AGMO: variants seen among roughly 807,000 people sequenced by gnomAD.
AGMO encodes the protein glyceryl-ether monooxygenase.
In AGMO, 75 loss-of-function variants were observed where a neutral mutation model predicts 60.2. The ratio of observed to expected loss-of-function variants is 1.25; its 90% CI spans 1.03 to 1.51. AGMO has a LOEUF of 1.51. AGMO is among the 40% of genes most tolerant of loss of function. The pLI is 0.00. For missense variants in AGMO, 763 were observed against 525.5 expected, an observed-to-expected ratio of 1.45 and a Z score of -4.42; for synonymous variants, 261 against 177.1, an observed-to-expected ratio of 1.47 and a Z score of -3.76.
chr7:15,148,039 T>C, the AGMO span, among the ~76,000 whole-genome samples: 1 of 152,268 alleles, frequency 6.6e-6, no homozygotes, highest in Middle Eastern at 3.4e-3. Context: ...AGTGGTAAAG[T>C]GTATTAGAAG....
chr7:15,169,681 C>T, the AGMO span, among the ~76,000 whole-genome samples: 1 of 152,146 alleles, frequency 6.6e-6, no homozygotes, highest in South Asian at 2.1e-4. Context: ...AAGTGATCCA[C>T]CTGCCTCAGC....
chr7:15,507,119 T>C (rs1384073722), intron 3 of AGMO, among the ~76,000 whole-genome samples: 4 of 152,032 alleles, frequency 2.6e-5, no homozygotes, highest in African/African-American at 7.2e-5. Flanking sequence ...CCAAGGATTT[T>C]ATATGCAGCC....
At chr7:15,172,785 A>G in the AGMO span, among the ~76,000 whole-genome samples, 1 of 152,174 alleles carries the variant, frequency 6.6e-6, no homozygotes, top group Non-Finnish European at 1.5e-5. Context: ...TGTGAAGTAA[A>G]GAAGTTGAGC....
At chr7:15,230,648 C>CAGA (rs1191907517) in intron 12 of AGMO, among the ~76,000 whole-genome samples, 2 of 152,160 alleles carry the variant, frequency 1.3e-5, no homozygotes, top group African/African-American at 2.4e-5. Flanking sequence ...AGGCCTTGTG[C>CAGA]AGAAGTCTTT....
chr7:15,291,069 C>T (rs1054387703), intron 12 of AGMO, among the ~76,000 whole-genome samples: 1 of 152,044 alleles, frequency 6.6e-6, no homozygotes, highest in Non-Finnish European at 1.5e-5. Flanking sequence ...GCAGTAATCC[C>T]TCTGCATATA....
chr7:15,232,420 C>T (rs1485930359), intron 12 of AGMO, among the ~76,000 whole-genome samples: 1 of 152,164 alleles, frequency 6.6e-6, no homozygotes, highest in African/African-American at 2.4e-5. Flanking sequence ...CTTGTGCCAA[C>T]GTTCTTTCTT....
intron 12 of AGMO, among the ~76,000 whole-genome samples, chr7:15,319,416 G>A (rs1157473772): frequency 3.3e-5 from 5 of 152,064 alleles, no homozygotes; most frequent in Admixed American, 2.6e-4. Flanking sequence ...AAACAACCCT[G>A]AATTTGGACT....
rs561314717 is a variant in AGMO, at chr7:15,265,952, A to C, written c.1264-64593T>G. Among the ~76,000 whole-genome samples the C allele has an allele frequency of 3.3e-5, 5 of 152,254 alleles. No homozygotes were observed. In the East Asian group the frequency reaches 9.7e-4, roughly 29 times the overall value. On this transcript the variant is annotated intron_variant, in intron 12 of 12. Transcript: ENST00000342526. ...TACAATAGAATATTATTCAGCTTTA[A>C]AAAGGCAATACATTCTGATGTATGC...
At chr7:15,402,285 T>A (rs1784569525) in intron 5 of AGMO, among the ~76,000 whole-genome samples, 1 of 151,868 alleles carries the variant, frequency 6.6e-6, no homozygotes, top group South Asian at 2.1e-4. Flanking sequence ...TTCCTCCTCC[T>A]CCTCTTTTAT....
At chr7:15,456,602 G>A (rs1027917049) in intron 3 of AGMO, among the ~76,000 whole-genome samples, 1 of 152,158 alleles carries the variant, frequency 6.6e-6, no homozygotes, top group Non-Finnish European at 1.5e-5. Context: ...CTTCTCCTGA[G>A]TAAGGAAATA....
intron 6 of AGMO, among the ~76,000 whole-genome samples, chr7:15,391,693 G>GGA (rs984171821): frequency 7.7e-4 from 117 of 152,230 alleles, no homozygotes; most frequent in African/African-American, 2.7e-3. Context: ...TAGTATAAAA[G>GGA]GAGAGAGAGA....
At chr7:15,429,462 C>T (rs1053675331) in intron 4 of AGMO, among the ~76,000 whole-genome samples, 1 of 150,928 alleles carries the variant, frequency 6.6e-6, no homozygotes, top group Non-Finnish European at 1.5e-5. Flanking sequence ...GAGAGAGAAC[C>T]AGAAAAGATC....
At chr7:15,378,373 G>GT (rs1783536372) in intron 10 of AGMO, among the ~76,000 whole-genome samples, 1 of 152,092 alleles carries the variant, frequency 6.6e-6, no homozygotes, top group Admixed American at 6.5e-5. Flanking sequence ...AATTAAAATG[G>GT]TTTTTGTTGG....
intron 12 of AGMO, among the ~76,000 whole-genome samples, chr7:15,280,844 A>G (rs1258750914): frequency 2.6e-5 from 4 of 152,222 alleles, no homozygotes; most frequent in Non-Finnish European, 5.9e-5. Flanking sequence ...GTATCTGAGA[A>G]AGCCAACACA....
chr7:15,233,157 G>A (rs1161447829), intron 12 of AGMO, among the ~76,000 whole-genome samples: 1 of 152,134 alleles, frequency 6.6e-6, no homozygotes, highest in Non-Finnish European at 1.5e-5. Flanking sequence ...GAAGGAGAAA[G>A]GGAATTAGTA....
At chr7:15,524,922 A>C (rs906270178) in intron 3 of AGMO, among the ~76,000 whole-genome samples, 1 of 151,944 alleles carries the variant, frequency 6.6e-6, no homozygotes, top group Admixed American at 6.6e-5. Flanking sequence ...CACACACACA[A>C]ATAATATATA....
chr7:15,194,920 C>T, the AGMO span, among the ~76,000 whole-genome samples: 13 of 152,168 alleles, frequency 8.5e-5, no homozygotes, highest in Admixed American at 8.5e-4. Flanking sequence ...AGTTAAAATG[C>T]ATGCTGTGTA....
At chr7:15,434,982 T>C (rs1320984472) in intron 3 of AGMO, among the ~76,000 whole-genome samples, 2 of 151,990 alleles carry the variant, frequency 1.3e-5, no homozygotes, top group African/African-American at 4.8e-5. Flanking sequence ...TTGAGTCTGT[T>C]GTCTTTTTTC....
At chr7:15,156,515 C>T in the AGMO span, among the ~76,000 whole-genome samples, 1 of 152,198 alleles carries the variant, frequency 6.6e-6, no homozygotes, top group Non-Finnish European at 1.5e-5. Flanking sequence ...AGTTCTGTCT[C>T]TGCCAACTCC....
Sources: gnomAD v4.1 joint callset for allele counts (sites outside exome capture counted in the v4.1 genomes callset) on GRCh38, gnomAD v4.1.1 for gene constraint, MANE v1.5 for transcripts, NCBI Gene and HGNC (gene_info 2026-07-23, HGNC 2026-07-21) for gene names.